The following EYS variants were observed in gnomAD, a reference collection of about 807,000 sequenced individuals.
EYS encodes the protein EGF-like photoreceptor maintenance factor, also known as protein eyes shut homolog.
EYS carries 250 observed loss-of-function variants against 282.1 expected under a neutral mutation model. The ratio of observed to expected loss-of-function variants is 0.89; its 90% confidence interval spans 0.80 to 0.98. EYS has a LOEUF of 0.98. Ranked by LOEUF, EYS falls within the 50% of genes least tolerant of loss-of-function variation. EYS has a pLI of 0.00. For synonymous variants in EYS, 1,355 were observed against 1,282.9 expected (o/e 1.06, Z -1.20); for missense variants, 4,016 against 3,709.0 (o/e 1.08, Z -2.15).
intron 22 of EYS, among the ~76,000 whole-genome samples, chr6:64,787,385 G>C (rs1288051354): frequency 2.0e-5 from 3 of 151,966 alleles, no homozygotes; most frequent in African/African-American, 7.2e-5. Flanking sequence ...TTGTTCCCTT[G>C]ACTTATGACT....
chr6:64,545,843 T>C (rs1259421257), intron 26 of EYS, among the ~76,000 whole-genome samples: 2 of 152,144 alleles, frequency 1.3e-5, no homozygotes, highest in Non-Finnish European at 2.9e-5. Context: ...CAAGGAGAAC[T>C]ATAAACCACT....
At chr6:64,044,160 A>G (rs530771831) in intron 33 of EYS, among the ~76,000 whole-genome samples, 1 of 152,308 alleles carries the variant, frequency 6.6e-6, no homozygotes, top group East Asian at 1.9e-4. Flanking sequence ...TCAGCAAAAA[A>G]TTTACTTCCT....
intron 29 of EYS, among the ~76,000 whole-genome samples, chr6:64,330,051 C>G (rs1385338162): frequency 1.3e-5 from 2 of 152,142 alleles, no homozygotes; most frequent in Non-Finnish European, 2.9e-5. Flanking sequence ...GACCTGAAGG[C>G]TTTCATGCCA....
At chr6:65,368,747 C>T (rs1156565629) in intron 8 of EYS, among the ~76,000 whole-genome samples, 1 of 151,696 alleles carries the variant, frequency 6.6e-6, no homozygotes, top group Admixed American at 6.7e-5. Context: ...TTTGAGGATG[C>T]TGCTCTCTTT....
At chr6:65,119,722 C>T (rs185985665) in intron 12 of EYS, among the ~76,000 whole-genome samples, 16 of 146,600 alleles carry the variant, frequency 1.1e-4, no homozygotes, top group Middle Eastern at 3.6e-3. Context: ...ACAAAAATAG[C>T]TAGGCATGGT....
At chr6:63,806,580 T>G (rs1246921336) in intron 36 of EYS, among the ~76,000 whole-genome samples, 5 of 152,200 alleles carry the variant, frequency 3.3e-5, no homozygotes, top group Admixed American at 2.6e-4. Flanking sequence ...TGAGATCTTC[T>G]ATATAATCCT....
At chr6:65,446,856 C>CA (rs1768679754) in intron 5 of EYS, among the ~76,000 whole-genome samples, 2 of 143,034 alleles carry the variant, frequency 1.4e-5, no homozygotes, top group African/African-American at 4.9e-5. Context: ...TTTTTGAGTA[C>CA]AAAATGTAAG....
intron 2 of EYS, among the ~76,000 whole-genome samples, chr6:65,599,078 G>A (rs188953641): frequency 2.6e-5 from 4 of 151,942 alleles, no homozygotes; most frequent in South Asian, 2.1e-4. Context: ...CTCAAGTCCC[G>A]CAGTCAGCCT....
chr6:65,473,791 C>A (rs1220159443), intron 5 of EYS, among the ~76,000 whole-genome samples: 1 of 143,408 alleles, frequency 7.0e-6, no homozygotes, highest in Non-Finnish European at 1.5e-5. Flanking sequence ...ATTTTCCCAG[C>A]AAATAAAATT....
At chr6:65,211,697 T>C (rs1766179849) in intron 12 of EYS, among the ~76,000 whole-genome samples, 1 of 151,886 alleles carries the variant, frequency 6.6e-6, no homozygotes, top group Non-Finnish European at 1.5e-5. Context: ...AATTGTGTTC[T>C]GGTAAACAGA....
At chr6:64,228,354 A>G (rs181272734) in intron 31 of EYS, among the ~76,000 whole-genome samples, 1 of 152,342 alleles carries the variant, frequency 6.6e-6, no homozygotes, top group African/African-American at 2.4e-5. Context: ...AACATTTTCC[A>G]AAAGAGGCAA....
intron 16 of EYS, among the ~76,000 whole-genome samples, 159 bp downstream of exon 16, chr6:64,912,325 C>T (rs151312786): frequency 1.3e-5 from 2 of 152,228 alleles, no homozygotes; most frequent in East Asian, 1.9e-4. Flanking sequence ...TTCTCTAATA[C>T]ATTTTTATAA....
At chr6:64,121,529 C>T (rs1270429524) in intron 31 of EYS, among the ~76,000 whole-genome samples, 2 of 152,134 alleles carry the variant, frequency 1.3e-5, no homozygotes, top group Non-Finnish European at 2.9e-5. Context: ...CATCTTGTGG[C>T]CTAATGGTAA....
intron 2 of EYS, among the ~76,000 whole-genome samples, chr6:65,611,650 T>G (rs1037079251): frequency 8.5e-5 from 13 of 152,110 alleles, no homozygotes; most frequent in African/African-American, 3.1e-4. Context: ...TTAGTACACA[T>G]AAAGTTGTAA....
intron 15 of EYS, among the ~76,000 whole-genome samples, chr6:64,915,852 T>C (rs958646778): frequency 6.6e-6 from 1 of 152,194 alleles, no homozygotes; most frequent in African/African-American, 2.4e-5. Flanking sequence ...TGATGTATCC[T>C]AAGTCATGTG....
intron 22 of EYS, among the ~76,000 whole-genome samples, chr6:64,683,625 T>TA (rs201537850): frequency 0.016 from 2,418 of 152,254 alleles, 66 homozygotes; most frequent in African/African-American, 0.056. Context: ...AGATAAAGAA[T>TA]AGGGCAGAAA....
At chr6:65,697,193 T>C (rs1769485734) in intron 1 of EYS, among the ~76,000 whole-genome samples, 2 of 152,092 alleles carry the variant, frequency 1.3e-5, no homozygotes, top group African/African-American at 4.8e-5. Flanking sequence ...AGTCTAATAA[T>C]TAAAATGATA....
intron 12 of EYS, among the ~76,000 whole-genome samples, chr6:65,193,705 T>C (rs1765697555): frequency 1.3e-5 from 2 of 151,700 alleles, no homozygotes; most frequent in African/African-American, 4.8e-5. Context: ...CTCTATCTAG[T>C]ATATTTACTA....
At chr6:65,199,717 T>C in intron 12 of EYS, among the ~76,000 whole-genome samples, 1 of 152,122 alleles carries the variant, frequency 6.6e-6, no homozygotes, top group African/African-American at 2.4e-5. Flanking sequence ...TAGTAGGATT[T>C]TCTAAGAAAG....
Sources: allele counts gnomAD v4.1 joint callset (sites outside exome capture counted in the v4.1 genomes callset), GRCh38; gene constraint gnomAD v4.1.1; transcripts MANE v1.5; gene names NCBI Gene and HGNC (gene_info 2026-07-23, HGNC 2026-07-21).